The following MAGI3 variants were observed in gnomAD, a reference collection of about 807,000 sequenced individuals.
MAGI3 encodes the protein membrane associated guanylate kinase, WW and PDZ domain containing 3, also known as membrane-associated guanylate kinase, WW and PDZ domain-containing protein 3.
MAGI3 carries 43 observed loss-of-function variants against 121.8 expected under a neutral mutation model. That is an observed-to-expected ratio of 0.35 (90% confidence interval 0.28 to 0.46). MAGI3 has a LOEUF of 0.46. Ranked by LOEUF, MAGI3 falls within the 20% of genes least tolerant of loss-of-function variation. MAGI3 has a pLI of 1.00. For synonymous variants in MAGI3, 553 were observed against 639.3 expected, an observed-to-expected ratio of 0.86 and a Z score of 2.04; for missense variants, 1,547 against 1,797.3, an observed-to-expected ratio of 0.86 and a Z score of 2.52.
intron 1 of MAGI3, among the ~76,000 whole-genome samples, chr1:113,399,809 G>A (rs1436231207): frequency 6.6e-6 from 1 of 152,038 alleles, no homozygotes; most frequent in Non-Finnish European, 1.5e-5. Flanking sequence ...TATTAGCCTA[G>A]TTAAACAATT....
chr1:113,452,933 A>G (rs1239335819), intron 1 of MAGI3, among the ~76,000 whole-genome samples: 3 of 152,224 alleles, frequency 2.0e-5, no homozygotes, highest in Non-Finnish European at 4.4e-5. Context: ...TTGATTATCC[A>G]TCAACAAGCA....
chr1:113,598,498 C>T (rs982991949), intron 6 of MAGI3, among the ~76,000 whole-genome samples: 4 of 151,692 alleles, frequency 2.6e-5, no homozygotes, highest in South Asian at 2.1e-4. Flanking sequence ...ATATTTCACA[C>T]AAATGGAAAC....
Position 113,659,183 on chromosome 1 carries a change from T to C in MAGI3, c.2733T>C (p.Ile911=). The C allele has an allele frequency of 6.2e-7, 1 of 1,614,058 alleles. No homozygotes were observed. Among genetic ancestry groups the C allele is most frequent in the African/African-American group, 1.3e-5 (1 of 75,036 alleles). The stretch of plus-strand genomic sequence containing the variant: ...TCTCTGCAGTGAATGGGCAGTCCAT[T>C]GTTGAACTGTCTCATGATAACATTG... ...DHISAVNGQS[I]VELSHDNIVQ... Residue 911 remains isoleucine, a synonymous_variant, in exon 16 of 21, where the codon ATT becomes ATC. Coordinates refer to ENST00000307546, the MANE Select transcript of MAGI3 (RefSeq NM_001142782.2).
rs1288767298 is a variant in MAGI3 at position 113,683,400 on chromosome 1, C to T, written c.3832C>T (p.Gln1278Ter). Residue 1278 changes from glutamine to a stop codon, truncating the protein, a stop_gained, in exon 21 of 21, where the codon CAG (glutamine) becomes TAG (stop). Transcript: ENST00000307546. LOFTEE classifies it low-confidence loss of function (END_TRUNC). The part of the protein sequence containing the change: ...VSTRAGSGQD[Q>*]CRKSRGRSAS... The stretch of plus-strand genomic sequence containing the variant: ...CACCAGGGCAGGCTCTGGACAAGAT[C>T]AGTGCAGAAAAAGCAGAGGTCGGTC... The T allele has an allele frequency of 1.9e-6, 3 of 1,613,932 alleles. No individual in the cohort carries two copies. Among genetic ancestry groups the T allele is most frequent in the Non-Finnish European group, 2.5e-6 (3 of 1,179,890 alleles).
intron 9 of MAGI3, among the ~76,000 whole-genome samples, chr1:113,625,669 A>G (rs1651196276): frequency 6.6e-6 from 1 of 152,000 alleles, no homozygotes; most frequent in African/African-American, 2.4e-5. Context: ...TCCCTTTCCA[A>G]TTTGTATGCC....
intron 1 of MAGI3, chr1:113,403,759 A>G (rs1651530747): frequency 6.6e-6 from 1 of 152,168 alleles, no homozygotes; most frequent in Admixed American, 6.5e-5. Flanking sequence ...TCTGCCTTCC[A>G]TATCTTGTGT....
At chr1:113,622,771 T>A (rs1189658260) in intron 8 of MAGI3, 35 bp from the exon 9 acceptor site, 6 of 1,507,284 alleles carry the variant, frequency 4.0e-6, no homozygotes, top group Non-Finnish European at 5.3e-6. Context: ...TTGTAATTAT[T>A]TTTGTTCTCA....
At chr1:113,580,763 T>A in intron 3 of MAGI3, 102 bp downstream of exon 3, 1 of 1,153,492 alleles carries the variant, frequency 8.7e-7, no homozygotes, top group South Asian at 2.8e-5. Context: ...TTTGAAAAAC[T>A]TTTTTTCCTC....
intron 1 of MAGI3, among the ~76,000 whole-genome samples, chr1:113,495,619 A>C (rs555387520): frequency 1.3e-5 from 2 of 152,316 alleles, no homozygotes; most frequent in South Asian, 2.1e-4. Flanking sequence ...CACTAAGTCT[A>C]TGAAGGTAAG....
At chr1:113,641,268 C>T (rs1256662774) in intron 9 of MAGI3, among the ~76,000 whole-genome samples, 1 of 148,738 alleles carries the variant, frequency 6.7e-6, no homozygotes, top group Non-Finnish European at 1.5e-5. Context: ...ATCAGGTAAT[C>T]ACCTGGAGAA....
chr1:113,419,749 A>G (rs1416094929), intron 1 of MAGI3, among the ~76,000 whole-genome samples: 2 of 152,152 alleles, frequency 1.3e-5, no homozygotes, highest in African/African-American at 2.4e-5. Flanking sequence ...ATGGCATAAA[A>G]CAACATAGAT....
chr1:113,604,891 G>A (rs1649657213), intron 6 of MAGI3, among the ~76,000 whole-genome samples: 1 of 150,758 alleles, frequency 6.6e-6, no homozygotes, highest in African/African-American at 2.4e-5. Flanking sequence ...TTGGGTGATG[G>A]GTGCACTAAA....
intron 1 of MAGI3, among the ~76,000 whole-genome samples, chr1:113,434,394 A>T (rs1309161635): frequency 1.3e-5 from 2 of 152,096 alleles, no homozygotes; most frequent in East Asian, 3.8e-4. Context: ...ACATAGCGAG[A>T]CCTTATTTCC....
chr1:113,639,724 A>G (rs191692447), intron 9 of MAGI3, among the ~76,000 whole-genome samples: 142 of 151,918 alleles, frequency 9.3e-4, no homozygotes, highest in African/African-American at 3.4e-3. Flanking sequence ...ATACCACCAC[A>G]CCCAGCTAAT....
At position 113,658,260 on chromosome 1, in the gene MAGI3, AT is replaced by A. The variant is rs1343714457; in HGVS notation, c.2630-817del. Among the ~76,000 whole-genome samples the A allele has an allele frequency of 1.3e-5, 2 of 152,236 alleles. No individual in the cohort carries two copies. Among genetic ancestry groups the A allele is most frequent in the African/African-American group, 4.8e-5 (2 of 41,460 alleles). On this transcript the variant is annotated intron_variant, in intron 15 of 20. Coordinates refer to ENST00000307546, the MANE Select transcript of MAGI3 (RefSeq NM_001142782.2). This position sits in a 1 kb window ranked among gnomAD's most constrained non-coding sequence, Gnocchi z 4.0. ...AGATTTCCTGAATATCTGAGAACTC[AT>A]TTCAAGCTATAATAATAGCAGAGTA...
intron 1 of MAGI3, among the ~76,000 whole-genome samples, chr1:113,538,001 C>A (rs1659088159): frequency 6.6e-6 from 1 of 152,172 alleles, no homozygotes; most frequent in South Asian, 2.1e-4. Flanking sequence ...TTTTGGGGAT[C>A]TTTAACCATT....
At chr1:113,648,414 CTTT>C (rs566094328) in intron 12 of MAGI3, among the ~76,000 whole-genome samples, 24 of 135,920 alleles carry the variant, frequency 1.8e-4, no homozygotes, top group Admixed American at 1.3e-3. Flanking sequence ...ACTTAATATT[CTTT>C]TTTTTTTTTT....
intron 1 of MAGI3, among the ~76,000 whole-genome samples, chr1:113,415,813 C>G (rs1467586722): frequency 2.6e-5 from 4 of 151,850 alleles, no homozygotes; most frequent in Non-Finnish European, 2.9e-5. Flanking sequence ...TACTCCCTCT[C>G]CCAATAGCTG....
intron 6 of MAGI3, among the ~76,000 whole-genome samples, chr1:113,603,268 C>T (rs1468071537): frequency 2.0e-5 from 3 of 152,062 alleles, no homozygotes; most frequent in African/African-American, 4.8e-5. Context: ...TGGAAACATA[C>T]AACCCTCCTA....
Sources: gnomAD v4.1 joint callset for allele counts (sites outside exome capture counted in the v4.1 genomes callset) on GRCh38, gnomAD v4.1.1 for gene constraint, Gnocchi (gnomAD v3.1) non-coding constraint, MANE v1.5 for transcripts, NCBI Gene and HGNC (gene_info 2026-07-23, HGNC 2026-07-21) for gene names.